The following CMSS1 variants were observed in gnomAD, a reference collection of about 807,000 sequenced individuals.
CMSS1 encodes the protein protein CMSS1.
In CMSS1, 33 loss-of-function variants were observed where a neutral mutation model predicts 43.5. That is an observed-to-expected ratio of 0.76 (90% confidence interval 0.57 to 1.01). The LOEUF (loss-of-function observed/expected upper bound fraction) is 1.01, where lower values mean the gene tolerates loss of function less well. CMSS1 is among the 50% of genes least tolerant of loss of function. The pLI is 0.00. For synonymous variants in CMSS1, 115 were observed against 117.2 expected, an observed-to-expected ratio of 0.98 and a Z score of 0.12; for missense variants, 313 against 326.4, an observed-to-expected ratio of 0.96 and a Z score of 0.32.
intron 1 of CMSS1, chr3:99,898,379 A>G (rs1706327443): frequency 6.6e-6 from 1 of 152,212 alleles, no homozygotes; most frequent in African/African-American, 2.4e-5. Flanking sequence ...TCCATTATAA[A>G]TAGAAACCTG....
chr3:99,831,866 A>C (rs539327490), intron 1 of CMSS1, among the ~76,000 whole-genome samples: 2 of 152,346 alleles, frequency 1.3e-5, no homozygotes, highest in African/African-American at 4.8e-5. Flanking sequence ...TGCTGCCATA[A>C]TTGAACTTCC....
intron 1 of CMSS1, among the ~76,000 whole-genome samples, chr3:100,135,343 G>A (rs1269601576): frequency 2.0e-5 from 3 of 152,022 alleles, no homozygotes; most frequent in African/African-American, 7.3e-5. Flanking sequence ...AAGGAAGAAG[G>A]ATTGGGAGCT....
chr3:100,095,014 G>A (rs1023971081), intron 1 of CMSS1, among the ~76,000 whole-genome samples: 3 of 152,100 alleles, frequency 2.0e-5, no homozygotes, highest in Admixed American at 2.0e-4. Flanking sequence ...TGGCTGAGTT[G>A]CTTTTGCACT....
intron 1 of CMSS1, chr3:99,929,946 T>C (rs1207914857): frequency 6.2e-7 from 1 of 1,614,146 alleles, no homozygotes; most frequent in East Asian, 2.2e-5. Context: ...ACACCTTTTT[T>C]GGAGTGACAA....
At chr3:100,059,427 T>C (rs1386869969) in intron 1 of CMSS1, among the ~76,000 whole-genome samples, 1 of 152,232 alleles carries the variant, frequency 6.6e-6, no homozygotes, top group African/African-American at 2.4e-5. Flanking sequence ...TTTCCCCTGC[T>C]TCTTCACTCT....
chr3:99,850,995 G>A, intron 1 of CMSS1: 1 of 1,613,728 alleles, frequency 6.2e-7, no homozygotes. Context: ...CCTCTTTCAG[G>A]GTGGTGACCC....
At chr3:99,832,423 G>T (rs1354304214) in intron 1 of CMSS1, among the ~76,000 whole-genome samples, 1 of 149,634 alleles carries the variant, frequency 6.7e-6, no homozygotes, top group Non-Finnish European at 1.5e-5. Context: ...GTAGAGACGG[G>T]GTTTCACTGT....
At chr3:100,031,787 G>T (rs1359957904) in intron 1 of CMSS1, among the ~76,000 whole-genome samples, 1 of 152,080 alleles carries the variant, frequency 6.6e-6, no homozygotes, top group Non-Finnish European at 1.5e-5. Context: ...CCCCACTAGG[G>T]CAGTGTCAAC....
intron 1 of CMSS1, among the ~76,000 whole-genome samples, chr3:100,016,627 A>C (rs1008845135): frequency 7.2e-5 from 11 of 152,200 alleles, no homozygotes. Context: ...TGCCATATGA[A>C]TATGCATATA....
At chr3:99,953,434 G>C (rs1030548598) in intron 1 of CMSS1, among the ~76,000 whole-genome samples, 1 of 152,116 alleles carries the variant, frequency 6.6e-6, no homozygotes, top group Non-Finnish European at 1.5e-5. Context: ...GCAGTTTGAG[G>C]TACAGATGCC....
chr3:99,941,356 T>C (rs1018850627), intron 1 of CMSS1, among the ~76,000 whole-genome samples: 1 of 152,070 alleles, frequency 6.6e-6, no homozygotes, highest in Non-Finnish European at 1.5e-5. Flanking sequence ...ATGCACAAAG[T>C]GTTTTGGAAG....
At chr3:99,850,954 A>G (rs1029066200) in intron 1 of CMSS1, 6 of 1,614,042 alleles carry the variant, frequency 3.7e-6, no homozygotes, top group Non-Finnish European at 5.1e-6. Flanking sequence ...ATCCACCACC[A>G]TCAAAGCAAA....
At chr3:99,894,632 T>A (rs985518409) in intron 1 of CMSS1, among the ~76,000 whole-genome samples, 1 of 152,240 alleles carries the variant, frequency 6.6e-6, no homozygotes, top group African/African-American at 2.4e-5. Flanking sequence ...GTAGGAAGTT[T>A]ACTATCTTGC....
chr3:99,975,886 GTC>G (rs1708955017), intron 1 of CMSS1, among the ~76,000 whole-genome samples: 1 of 152,122 alleles, frequency 6.6e-6, no homozygotes. Flanking sequence ...GTAATAAAAT[GTC>G]TCTTTTTGTT....
chr3:100,088,229 A>G (rs1269551080), intron 1 of CMSS1, among the ~76,000 whole-genome samples: 2 of 152,202 alleles, frequency 1.3e-5, no homozygotes, highest in African/African-American at 2.4e-5. Flanking sequence ...AGTTATCATT[A>G]TATGTGTCCC....
At chr3:100,079,050 G>T (rs1180852214) in intron 1 of CMSS1, among the ~76,000 whole-genome samples, 1 of 152,310 alleles carries the variant, frequency 6.6e-6, no homozygotes, top group South Asian at 2.1e-4. Flanking sequence ...TCCAAATGAG[G>T]TGGGCAAGAC....
At chr3:100,115,031 T>A (rs1230013587) in intron 1 of CMSS1, 1 of 1,401,724 alleles carries the variant, frequency 7.1e-7, no homozygotes, top group Admixed American at 2.0e-5. Flanking sequence ...ACATTTTGTT[T>A]TATATTATTC....
At chr3:99,974,317 G>T (rs1312304995) in intron 1 of CMSS1, among the ~76,000 whole-genome samples, 1 of 152,160 alleles carries the variant, frequency 6.6e-6, no homozygotes, top group Admixed American at 6.5e-5. Flanking sequence ...TTTTAGAAGG[G>T]ATCACAACAG....
chr3:99,884,949 G>T (rs1705845368), intron 1 of CMSS1, among the ~76,000 whole-genome samples: 1 of 152,204 alleles, frequency 6.6e-6, no homozygotes, highest in Non-Finnish European at 1.5e-5. Flanking sequence ...TATTTGCTAA[G>T]GAAATTTCTT....
Sources: gnomAD v4.1 joint callset for allele counts (sites outside exome capture counted in the v4.1 genomes callset) on GRCh38, gnomAD v4.1.1 for gene constraint, MANE v1.5 for transcripts, NCBI Gene and HGNC (gene_info 2026-07-23, HGNC 2026-07-21) for gene names.